ST7L: variants seen among roughly 807,000 people sequenced by gnomAD.
The protein encoded by ST7L is suppressor of tumorigenicity 7 protein-like.
In ST7L, 57 loss-of-function variants were observed where a neutral mutation model predicts 72.5. The ratio of observed to expected loss-of-function variants is 0.79; its 90% CI spans 0.64 to 0.98. ST7L has a LOEUF of 0.98. Ranked by LOEUF, ST7L falls within the 50% of genes least tolerant of loss-of-function variation. The pLI is 0.00. For missense variants in ST7L, 576 were observed against 672.2 expected, an observed-to-expected ratio of 0.86 and a Z score of 1.58; for synonymous variants, 221 against 240.9, an observed-to-expected ratio of 0.92 and a Z score of 0.77.
chr1:112,521,259 G>C (rs1299726975), downstream of ST7L: 1 of 150,124 alleles, frequency 6.7e-6, no homozygotes, highest in East Asian at 2.0e-4. Context: ...AAACACCCTA[G>C]AACACTCCTA....
At position 112,591,545 on chromosome 1, in the gene ST7L, T is replaced by C; in HGVS notation, c.681A>G (p.Gln227=). The C allele has an allele frequency of 6.2e-7, 1 of 1,611,124 alleles. No homozygotes were observed. Among genetic ancestry groups the C allele is most frequent in the Non-Finnish European group, 8.5e-7 (1 of 1,179,546 alleles). Residue 227 remains glutamine, a synonymous_variant, in exon 6 of 15, where the codon CAA becomes CAG. Coordinates refer to ENST00000358039, the MANE Select transcript of ST7L (RefSeq NM_017744.5). ...CTTACTCATTGTTTAATTCTAAAGC[T>C]TGATAGGCTGCTTTGATTCGAGCTG... ...NPPARIKAAY[Q]ALELNNDCAT...
intron 14 of ST7L, chr1:112,540,153 T>C (rs1240745903): frequency 6.1e-6 from 6 of 985,438 alleles, no homozygotes; most frequent in Non-Finnish European, 7.2e-6. Flanking sequence ...GGAAATATAC[T>C]ACTAACAGTT....
chr1:112,603,167 C>T (rs1046197293), intron 3 of ST7L, among the ~76,000 whole-genome samples: 4 of 152,116 alleles, frequency 2.6e-5, no homozygotes, highest in African/African-American at 9.7e-5. Context: ...GCAAATTTCA[C>T]AATAAAGACT....
At chr1:112,574,616 G>A (rs988244162) in intron 11 of ST7L, among the ~76,000 whole-genome samples, 22 of 150,154 alleles carry the variant, frequency 1.5e-4, no homozygotes, top group East Asian at 6.0e-4. Flanking sequence ...CCTAGATCAC[G>A]CCACTGCACT....
At chr1:112,582,207 T>A in intron 8 of ST7L, 101 bp from the exon 9 acceptor site, 1 of 989,888 alleles carries the variant, frequency 1.0e-6, no homozygotes, top group South Asian at 1.5e-5. Context: ...TTACCATAGC[T>A]GTGAAGAAGA....
chr1:112,574,464 C>A (rs980753490), intron 11 of ST7L, among the ~76,000 whole-genome samples: 16 of 150,658 alleles, frequency 1.1e-4, no homozygotes, highest in East Asian at 2.0e-4. Flanking sequence ...TCGAGACCAT[C>A]CTGGCTAACA....
chr1:112,522,279 T>C (rs929604781), downstream of ST7L: 1 of 152,264 alleles, frequency 6.6e-6, no homozygotes, highest in African/African-American at 2.4e-5. Flanking sequence ...ATCCTCCCAC[T>C]GCAGCCTTCC....
chr1:112,572,389 T>C (rs1053062625), intron 11 of ST7L, among the ~76,000 whole-genome samples: 2 of 152,226 alleles, frequency 1.3e-5, no homozygotes, highest in Admixed American at 1.3e-4. Flanking sequence ...TCTCTAGCTA[T>C]GAAAGTCTTA....
chr1:112,616,518 G>A (rs1483516370), intron 2 of ST7L, among the ~76,000 whole-genome samples: 5 of 152,220 alleles, frequency 3.3e-5, no homozygotes, highest in South Asian at 2.1e-4. Flanking sequence ...CAAGGCAGGC[G>A]GATCACCTGA....
In ST7L at chr1:112,555,899, A is replaced by G. The variant is rs1659033745; in HGVS notation, c.1365T>C (p.Ala455=). 2 of 1,609,908 alleles carry G rather than the reference A, an allele frequency of 1.2e-6. No individual in the cohort carries two copies. The highest frequency in any genetic ancestry group is 1.7e-6 in the Non-Finnish European group (2 of 1,177,812). ...HLQHWKRIEG[A]LNLLQCTWEG... ...CCCATGTACACTGTAACAGATTAAG[A>G]GCACCTTCTATTCGTTTCCAGTGCT... The change falls in exon 12 of 15, where the codon GCT becomes GCC. Residue 455 remains alanine, a synonymous_variant. Coordinates refer to ENST00000358039, the MANE Select transcript of ST7L (RefSeq NM_017744.5).
chr1:112,577,389 G>A (rs1663286535), intron 10 of ST7L, among the ~76,000 whole-genome samples: 1 of 151,584 alleles, frequency 6.6e-6, no homozygotes. Context: ...TTAGCTGGGT[G>A]TGGTGGTGTG....
intron 1 of ST7L, 39 bp downstream of exon 1, chr1:112,618,870 T>G: frequency 6.5e-7 from 1 of 1,546,160 alleles, no homozygotes; most frequent in Non-Finnish European, 8.7e-7. Context: ...ACATCTCTCC[T>G]GGCCCCCCGC....
intron 11 of ST7L, among the ~76,000 whole-genome samples, chr1:112,557,029 C>T (rs1229233709): frequency 7.9e-6 from 1 of 126,252 alleles, no homozygotes; most frequent in East Asian, 2.3e-4. Flanking sequence ...AGGTGCAATA[C>T]ATAGGAATAC....
At chr1:112,546,098 C>T (rs1461218483) in intron 13 of ST7L, among the ~76,000 whole-genome samples, 1 of 151,972 alleles carries the variant, frequency 6.6e-6, no homozygotes. Context: ...GCAGGCAGAT[C>T]ACTTGAGCTC....
rs371112270 is a variant in ST7L at position 112,530,589 on chromosome 1, GT to G, written c.1630-4479del. Reference sequence around the variant, plus strand: ...GCCACCACATCAGGCTAATTTTTGTGTTTTTAGTAGAGACAAGGTTTCACCA... The same window carrying G: ...GCCACCACATCAGGCTAATTTTTGTGTTTTAGTAGAGACAAGGTTTCACCA... On this transcript the variant is annotated intron_variant, in intron 14 of 14. Coordinates refer to ENST00000358039, the MANE Select transcript of ST7L (RefSeq NM_017744.5). Among the ~76,000 whole-genome samples the G allele has an allele frequency of 6.0e-3, 908 of 152,098 alleles. 9 individuals carry two copies. The highest frequency in any genetic ancestry group is 0.021 in the African/African-American group (872 of 41,494).
chr1:112,570,123 C>T (rs907310190), intron 11 of ST7L, among the ~76,000 whole-genome samples: 2 of 151,834 alleles, frequency 1.3e-5, no homozygotes, highest in Non-Finnish European at 2.9e-5. Context: ...GAAAGATAAA[C>T]GACCGTTTTT....
chr1:112,608,349 T>C (rs1668583195), intron 3 of ST7L, among the ~76,000 whole-genome samples: 1 of 152,278 alleles, frequency 6.6e-6, no homozygotes, highest in Admixed American at 6.5e-5. Flanking sequence ...AATTCAAGTA[T>C]TTCCTCTGTG....
intron 13 of ST7L, among the ~76,000 whole-genome samples, chr1:112,544,660 G>A (rs1656764483): frequency 6.6e-6 from 1 of 152,132 alleles, no homozygotes; most frequent in Non-Finnish European, 1.5e-5. Flanking sequence ...AACCTATATA[G>A]CATTTTATGG....
intron 6 of ST7L, among the ~76,000 whole-genome samples, chr1:112,585,525 G>A (rs1188929691): frequency 6.6e-6 from 1 of 151,884 alleles, no homozygotes; most frequent in African/African-American, 2.4e-5. Flanking sequence ...GGCGGATCAC[G>A]AGGTCAGGAG....
Sources: allele counts gnomAD v4.1 joint callset (sites outside exome capture counted in the v4.1 genomes callset), GRCh38; gene constraint gnomAD v4.1.1; transcripts MANE v1.5; gene names NCBI Gene and HGNC (gene_info 2026-07-23, HGNC 2026-07-21).